Variants in NDEL1 observed in about 807,000 individuals in gnomAD.
NDEL1 encodes nudE neurodevelopment protein 1 like 1.
NDEL1 carries 9 observed loss-of-function variants against 45.7 expected under a neutral mutation model. That is an observed-to-expected ratio of 0.20 (90% CI 0.12 to 0.34). The LOEUF is 0.34. Ranked by LOEUF, NDEL1 falls within the 10% of genes least tolerant of loss-of-function variation. NDEL1 has a pLI of 1.00. For synonymous variants in NDEL1, 133 were observed against 158.6 expected (o/e 0.84, Z 1.21); for missense variants, 306 against 406.2 (o/e 0.75, Z 2.12).
intron 8 of NDEL1, chr17:8,464,451 G>A (rs185659732): frequency 7.2e-4 from 110 of 152,108 alleles, no homozygotes; most frequent in African/African-American, 2.6e-3. Context: ...GACTTCACTA[G>A]ACCTGTCATC....
chr17:8,432,334 TATATTATATATAAATATAAATATAA>T (rs1234725553), upstream of NDEL1, among the ~76,000 whole-genome samples: 20 of 91,668 alleles, frequency 2.2e-4, no homozygotes, highest in South Asian at 3.8e-3. Flanking sequence ...TATAAATATA[TATATTATATATAAATATAAATATAA>T]ATATATATAT....
chr17:8,469,195 A>G (rs1358287679), downstream of NDEL1, among the ~76,000 whole-genome samples: 1 of 152,086 alleles, frequency 6.6e-6, no homozygotes. Flanking sequence ...TGAGAGGACA[A>G]TCCTAAGCCC....
At chr17:8,418,930 C>T (rs1908638178) in intron 1 of NDEL1, among the ~76,000 whole-genome samples, 1 of 152,038 alleles carries the variant, frequency 6.6e-6, no homozygotes, top group Admixed American at 6.6e-5. Context: ...TTCACTGCAG[C>T]ATCAACCTCC....
intron 7 of NDEL1, among the ~76,000 whole-genome samples, chr17:8,458,021 T>G (rs1485892519): frequency 6.6e-6 from 1 of 152,214 alleles, no homozygotes; most frequent in Non-Finnish European, 1.5e-5. Context: ...ATTGTTAGCA[T>G]TTTGACTGCA....
chr17:8,425,693 A>G (rs758361846), intron 1 of NDEL1, among the ~76,000 whole-genome samples: 2 of 152,078 alleles, frequency 1.3e-5, no homozygotes, highest in Non-Finnish European at 2.9e-5. Context: ...GCTGCCCTAG[A>G]TGCTACCTTA....
Position 8,467,923 on chromosome 17 carries a change from C to A in NDEL1, c.*900C>A, listed in dbSNP as rs1195970111. 6.6e-6 allele frequency: 1 copy of A among 152,666 alleles called. No individual in the cohort carries two copies. The highest frequency in any genetic ancestry group is 6.5e-5 in the Admixed American group (1 of 15,290). The allele number at this position is 152,666 out of a possible 1,614,324, so 9.5% of individuals were successfully genotyped here. On this transcript the variant is annotated 3_prime_UTR_variant, in exon 9 of 9. Coordinates refer to ENST00000334527, the MANE Select transcript of NDEL1 (RefSeq NM_030808.5). This position sits in a 1 kb window ranked among gnomAD's most constrained non-coding sequence, Gnocchi z 6.3. ...TGTGCATCCTTTGATTACTCTCATG[C>A]TGCATTTACTGTTTACATTTGTTTT...
At chr17:8,438,358 T>A (rs1909493760) in intron 1 of NDEL1, among the ~76,000 whole-genome samples, 1 of 152,248 alleles carries the variant, frequency 6.6e-6, no homozygotes, top group Non-Finnish European at 1.5e-5. Flanking sequence ...GCTAACTTTC[T>A]ATAGCCTGAA....
intron 1 of NDEL1, among the ~76,000 whole-genome samples, chr17:8,418,124 G>A (rs1256132283): frequency 6.6e-6 from 1 of 152,142 alleles, no homozygotes; most frequent in Non-Finnish European, 1.5e-5. Context: ...GTCAGCTGTC[G>A]CTTACTCATC....
At chr17:8,434,468 C>T (rs548372119), upstream of NDEL1, among the ~76,000 whole-genome samples, 8 of 152,212 alleles carry the variant, frequency 5.3e-5, no homozygotes, top group South Asian at 2.1e-4. Flanking sequence ...TTGCCCGCCT[C>T]GGCTTCCCAA....
chr17:8,473,653 C>G (rs533490738), intron 3 of NDEL1, among the ~76,000 whole-genome samples: 5 of 152,288 alleles, frequency 3.3e-5, no homozygotes, highest in African/African-American at 1.2e-4. Flanking sequence ...CCATTTCACA[C>G]GTTTCTACTG....
downstream of NDEL1, among the ~76,000 whole-genome samples, chr17:8,468,552 C>T (rs150581811): frequency 1.4e-3 from 206 of 152,306 alleles, no homozygotes; most frequent in African/African-American, 4.8e-3. Flanking sequence ...CGCTTCGAAC[C>T]GGCACTTCTC....
intron 6 of NDEL1, among the ~76,000 whole-genome samples, chr17:8,453,862 A>G (rs546233747): frequency 8.5e-5 from 13 of 152,188 alleles, no homozygotes; most frequent in Non-Finnish European, 1.8e-4. Flanking sequence ...TTAACATTAT[A>G]ATAAAGTAGC....
chr17:8,463,069 C>T (rs894073304), intron 8 of NDEL1: 2 of 325,092 alleles, frequency 6.2e-6, no homozygotes, highest in Non-Finnish European at 1.1e-5. Flanking sequence ...TTCCTTCAAC[C>T]ATGGTCACCC....
downstream of NDEL1, among the ~76,000 whole-genome samples, chr17:8,468,669 T>G (rs1359249312): frequency 6.6e-6 from 1 of 152,256 alleles, no homozygotes; most frequent in Non-Finnish European, 1.5e-5. Context: ...TGCATCAGAT[T>G]CTGAGCACTG....
At chr17:8,472,653 ACT>A (rs1430251364), downstream of NDEL1, among the ~76,000 whole-genome samples, 2 of 151,882 alleles carry the variant, frequency 1.3e-5, no homozygotes, top group African/African-American at 4.8e-5. Flanking sequence ...ACAGAGCGCG[ACT>A]CTGTCTCGGG....
chr17:8,435,785 C>T (rs8065181), upstream of NDEL1: 340,221 of 353,394 alleles, frequency 0.96, 165,176 homozygotes, highest in East Asian at 1. Context: ...CCCCCTGTGA[C>T]ACCAGCCCCG....
chr17:8,451,570 G>A (rs1405666270), intron 6 of NDEL1, among the ~76,000 whole-genome samples: 3 of 152,092 alleles, frequency 2.0e-5, no homozygotes, highest in Non-Finnish European at 4.4e-5. Context: ...ATTTTCAAAA[G>A]CATTGTTCGG....
intron 8 of NDEL1, chr17:8,463,495 C>G: frequency 1.4e-6 from 1 of 704,438 alleles, no homozygotes; most frequent in Non-Finnish European, 2.4e-6. Context: ...AGTGAACTTT[C>G]ACGGTCCTGT....
intron 1 of NDEL1, among the ~76,000 whole-genome samples, chr17:8,414,621 C>T (rs1908501649): frequency 6.6e-6 from 1 of 151,996 alleles, no homozygotes. Context: ...GAGCTGAGAT[C>T]GCGCCACTGC....
Sources: gnomAD v4.1 joint callset for allele counts (sites outside exome capture counted in the v4.1 genomes callset) on GRCh38, gnomAD v4.1.1 for gene constraint, Gnocchi (gnomAD v3.1) non-coding constraint, MANE v1.5 for transcripts, NCBI Gene and HGNC (gene_info 2026-07-23, HGNC 2026-07-21) for gene names.